The following WWOX variants were observed in gnomAD, a reference collection of about 807,000 sequenced individuals.
WWOX encodes the protein WW domain containing oxidoreductase, also known as WW domain-containing oxidoreductase.
Under a neutral mutation model 46.2 loss-of-function variants are expected in WWOX, and 69 were observed. The ratio of observed to expected loss-of-function variants is 1.49; its 90% CI spans 1.23 to 1.82. The LOEUF is 1.82. WWOX is among the 40% of genes most tolerant of loss of function. WWOX has a pLI of 0.00. For synonymous variants in WWOX, 359 were observed against 202.6 expected, an observed-to-expected ratio of 1.77 and a Z score of -6.56; for missense variants, 919 against 542.6, an observed-to-expected ratio of 1.69 and a Z score of -6.89.
At chr16:78,735,087 G>C (rs913501336) in intron 8 of WWOX, among the ~76,000 whole-genome samples, 1 of 151,236 alleles carries the variant, frequency 6.6e-6, no homozygotes, top group African/African-American at 2.4e-5. Context: ...GGCTGGTCTC[G>C]AACTCCTGAC....
At chr16:79,079,245 G>A (rs551596600) in intron 8 of WWOX, among the ~76,000 whole-genome samples, 1 of 152,306 alleles carries the variant, frequency 6.6e-6, no homozygotes, top group South Asian at 2.1e-4. Flanking sequence ...AAAGAATGGA[G>A]ATAAGACAGT....
chr16:79,205,731 G>T (rs1261098008), intron 8 of WWOX: 1 of 152,230 alleles, frequency 6.6e-6, no homozygotes, highest in Non-Finnish European at 1.5e-5. Flanking sequence ...TCTAAGGCTG[G>T]ATTGTTGAAG....
Position 78,432,714 on chromosome 16 carries a change from C to A in WWOX, c.1018C>A (p.Leu340Met). 6.2e-7 allele frequency: 1 copy of A among 1,614,220 alleles called. No individual in the cohort carries two copies. Among genetic ancestry groups the A allele is most frequent in the Non-Finnish European group, 8.5e-7 (1 of 1,180,042 alleles). Reference protein sequence around the residue: ...NIHRSWWVYTLLFTLARPFTK... With the variant: ...NIHRSWWVYTMLFTLARPFTK... ...TCATCGCAGCTGGTGGGTGTACACA[C>A]TGCTGTTTACCTTGGCGAGGCCTTT... is the stretch of plus-strand genomic sequence containing the variant. Residue 340 changes from leucine to methionine, a missense_variant, in exon 8 of 9, where the codon CTG (leucine) becomes ATG (methionine). Transcript: ENST00000566780.
At chr16:78,908,057 G>C (rs1053924283) in intron 8 of WWOX, among the ~76,000 whole-genome samples, 1 of 152,138 alleles carries the variant, frequency 6.6e-6, no homozygotes, top group Admixed American at 6.5e-5. Flanking sequence ...CCGTATGAAA[G>C]TTTATAGTTC....
chr16:78,367,631 G>A (rs752818088), intron 5 of WWOX, among the ~76,000 whole-genome samples: 1 of 152,172 alleles, frequency 6.6e-6, no homozygotes, highest in Admixed American at 6.5e-5. Context: ...TAATCTCCTG[G>A]GCTCAGGGAT....
chr16:79,187,913 C>T (rs1192958709), intron 8 of WWOX, among the ~76,000 whole-genome samples: 1 of 152,212 alleles, frequency 6.6e-6, no homozygotes, highest in Non-Finnish European at 1.5e-5. Context: ...GTGAGTCCTT[C>T]CTGTGCACCA....
intron 8 of WWOX, among the ~76,000 whole-genome samples, chr16:78,602,951 C>A (rs572597822): frequency 3.3e-5 from 5 of 152,296 alleles, no homozygotes; most frequent in South Asian, 4.1e-4. Flanking sequence ...CTTTCTCTTT[C>A]CATCTCCCTG....
intron 8 of WWOX, among the ~76,000 whole-genome samples, chr16:78,917,352 C>G (rs1453740304): frequency 6.6e-6 from 1 of 152,166 alleles, no homozygotes; most frequent in East Asian, 1.9e-4. Context: ...AATAAACATC[C>G]TTTAAATACC....
At chr16:78,251,165 T>C (rs574567904) in intron 5 of WWOX, among the ~76,000 whole-genome samples, 1 of 152,220 alleles carries the variant, frequency 6.6e-6, no homozygotes, top group African/African-American at 2.4e-5. Flanking sequence ...TAGTTCTGGC[T>C]CTTCCCATCT....
chr16:78,371,000 TGTTTGTCCTTTC>T (rs2081669298), intron 5 of WWOX, among the ~76,000 whole-genome samples: 1 of 149,424 alleles, frequency 6.7e-6, no homozygotes, highest in African/African-American at 2.4e-5. Flanking sequence ...TTTTTTTACT[TGTTTGTCCTTTC>T]TTTTATTATC....
chr16:78,274,776 C>G (rs2079547238), intron 5 of WWOX, among the ~76,000 whole-genome samples: 1 of 152,116 alleles, frequency 6.6e-6, no homozygotes, highest in Non-Finnish European at 1.5e-5. Context: ...TAGACATGGC[C>G]CCATCGTGGT....
At chr16:78,631,791 G>T (rs902714042) in intron 8 of WWOX, among the ~76,000 whole-genome samples, 1 of 152,130 alleles carries the variant, frequency 6.6e-6, no homozygotes, top group African/African-American at 2.4e-5. Context: ...CTCCCAAAGT[G>T]TTGGGATTAT....
At chr16:78,918,291 A>G (rs1423919307) in intron 8 of WWOX, among the ~76,000 whole-genome samples, 3 of 152,214 alleles carry the variant, frequency 2.0e-5, no homozygotes, top group Non-Finnish European at 4.4e-5. Flanking sequence ...GATACATGAT[A>G]TTTGTACTTC....
chr16:78,677,678 C>A (rs1021493990), intron 8 of WWOX, among the ~76,000 whole-genome samples: 3 of 152,144 alleles, frequency 2.0e-5, no homozygotes, highest in Non-Finnish European at 4.4e-5. Flanking sequence ...TCTCTGGTCT[C>A]TATCTTATCT....
chr16:78,221,614 C>T (rs56135228), intron 5 of WWOX, among the ~76,000 whole-genome samples: 9,066 of 152,154 alleles, frequency 0.06, 853 homozygotes, highest in African/African-American at 0.2. Flanking sequence ...AAGCAGGACC[C>T]GAGTACTATA....
At chr16:78,613,960 G>T (rs1007447053) in intron 8 of WWOX, among the ~76,000 whole-genome samples, 2 of 152,164 alleles carry the variant, frequency 1.3e-5, no homozygotes, top group Non-Finnish European at 1.5e-5. Context: ...TACGTACTGC[G>T]ATGGCTGCTT....
At chr16:78,535,722 A>G (rs1044873256) in intron 8 of WWOX, 7 of 152,206 alleles carry the variant, frequency 4.6e-5, no homozygotes, top group African/African-American at 1.7e-4. Flanking sequence ...GGTCTTTGTT[A>G]CAATGTATGT....
At chr16:78,483,279 C>T (rs2084541914) in intron 8 of WWOX, among the ~76,000 whole-genome samples, 1 of 152,114 alleles carries the variant, frequency 6.6e-6, no homozygotes, top group Non-Finnish European at 1.5e-5. Flanking sequence ...AAGAAAGTTG[C>T]ATGTCACTTT....
intron 4 of WWOX, among the ~76,000 whole-genome samples, chr16:78,138,138 C>A (rs1234856497): frequency 3.3e-5 from 5 of 150,742 alleles, no homozygotes; most frequent in Admixed American, 2.6e-4. Flanking sequence ...GATGGTAGGA[C>A]TGTAGAAGAG....
Sources: gnomAD v4.1 joint callset for allele counts (sites outside exome capture counted in the v4.1 genomes callset) on GRCh38, gnomAD v4.1.1 for gene constraint, MANE v1.5 for transcripts, NCBI Gene and HGNC (gene_info 2026-07-23, HGNC 2026-07-21) for gene names.